COL4A5: variants seen among roughly 807,000 people sequenced by gnomAD.
COL4A5 encodes collagen type IV alpha 5 chain.
A neutral mutation model predicts 130.2 loss-of-function variants in COL4A5; 26 were observed. The observed-to-expected ratio is 0.20, with a 90% confidence interval of 0.15 to 0.28. The LOEUF (loss-of-function observed/expected upper bound fraction) is 0.28, where lower values mean the gene tolerates loss of function less well. Among genes scored for constraint, COL4A5 ranks in the 10% least tolerant of loss-of-function variants. The probability of loss-of-function intolerance (pLI) is 1.00; values close to 1 mark genes in which losing one functional copy is unlikely to be tolerated. For missense variants in COL4A5, 1,131 were observed against 1,344.3 expected (o/e 0.84, Z 2.48); for synonymous variants, 496 against 439.6 (o/e 1.13, Z -1.60).
At chrX:108,617,997 G>T (rs1400749578) in intron 30 of COL4A5, among the ~76,000 whole-genome samples, 1 of 111,873 alleles carries the variant, frequency 8.9e-6, no homozygotes, top group Admixed American at 9.5e-5. Context: ...GGGGGAGGGT[G>T]TGTGTATGTG....
intron 42 of COL4A5, among the ~76,000 whole-genome samples, chrX:108,672,741 C>T (rs1366306742): frequency 8.9e-6 from 1 of 111,857 alleles, no homozygotes; most frequent in Non-Finnish European, 1.9e-5. Flanking sequence ...TTGCTAATTA[C>T]TCAGGCTGAA....
At chrX:108,626,526 TG>T (rs779387489) in intron 36 of COL4A5, 177 bp downstream of exon 36, 1 of 1,145,736 alleles carries the variant, frequency 8.7e-7, no homozygotes, top group African/African-American at 1.8e-5. Context: ...TTAGGGTTTG[TG>T]GCCAGTCCAA....
intron 49 of COL4A5, chrX:108,689,721 G>A: frequency 1.3e-6 from 1 of 753,875 alleles, no homozygotes; most frequent in East Asian, 1.5e-4. Flanking sequence ...AATGCAGTCT[G>A]TGTTGAATTA....
intron 36 of COL4A5, among the ~76,000 whole-genome samples, chrX:108,646,805 C>A (rs1302587169): frequency 1.8e-5 from 2 of 111,409 alleles, no homozygotes; most frequent in Non-Finnish European, 3.8e-5. Flanking sequence ...ATATGGCTAG[C>A]CAGTTTTCCC....
chrX:108,512,340 G>A (rs981636779), intron 1 of COL4A5, among the ~76,000 whole-genome samples: 1 of 111,024 alleles, frequency 9.0e-6, no homozygotes, highest in Non-Finnish European at 1.9e-5. Flanking sequence ...ACTTTGATCT[G>A]ATTGTTTTCC....
chrX:108,517,942 T>A (rs1389339226), intron 1 of COL4A5, among the ~76,000 whole-genome samples: 1 of 111,090 alleles, frequency 9.0e-6, no homozygotes, highest in East Asian at 2.8e-4. Flanking sequence ...TTATTGTCCT[T>A]ATTGGGTTTT....
intron 52 of COL4A5, 21 bp from the exon 53 acceptor site, chrX:108,696,276 G>T (rs777770232): frequency 1.2e-5 from 14 of 1,161,245 alleles, no homozygotes; most frequent in Middle Eastern, 2.3e-4. Flanking sequence ...GGATCTGATT[G>T]TCTTATTTCT....
At chrX:108,601,737 G>GC in intron 26 of COL4A5, 148 bp from the exon 27 acceptor site, 2 of 481,273 alleles carry the variant, frequency 4.2e-6, no homozygotes, top group Non-Finnish European at 7.4e-6. Flanking sequence ...CTCCACGTTG[G>GC]CCAGGCTGGT....
chrX:108,684,899 T>C (rs1352235469), intron 47 of COL4A5, among the ~76,000 whole-genome samples: 2 of 112,357 alleles, frequency 1.8e-5, no homozygotes, highest in African/African-American at 6.5e-5. Context: ...AAAAAGCTTA[T>C]CCACCACGAT....
intron 2 of COL4A5, among the ~76,000 whole-genome samples, chrX:108,544,687 G>C (rs367913683): frequency 3.7e-4 from 41 of 110,792 alleles, no homozygotes; most frequent in African/African-American, 7.6e-4. Context: ...AGGAATGGTA[G>C]CAGCTCCTCC....
chrX:108,472,053 T>C (rs182507201), intron 1 of COL4A5, among the ~76,000 whole-genome samples: 12 of 111,824 alleles, frequency 1.1e-4, no homozygotes, highest in African/African-American at 3.9e-4. Context: ...TTCATTCTTC[T>C]CTTAAGTATT....
At chrX:108,552,948 G>A (rs2065773957) in intron 2 of COL4A5, among the ~76,000 whole-genome samples, 1 of 112,226 alleles carries the variant, frequency 8.9e-6, no homozygotes, top group Admixed American at 9.5e-5. Context: ...ACATAATAGA[G>A]ACTCACAGGT....
chrX:108,574,343 A>T (rs891939441), intron 9 of COL4A5, among the ~76,000 whole-genome samples: 1 of 111,796 alleles, frequency 8.9e-6, no homozygotes, highest in Admixed American at 9.5e-5. Context: ...AATTCACTCA[A>T]TCTTGCCCTT....
At chrX:108,647,683 G>C (rs982743993) in intron 36 of COL4A5, among the ~76,000 whole-genome samples, 4 of 111,511 alleles carry the variant, frequency 3.6e-5, no homozygotes, top group Non-Finnish European at 5.6e-5. Context: ...AATGCTTCCA[G>C]TTTTTGCCCA....
chrX:108,688,917 C>T (rs1337688282), intron 49 of COL4A5, among the ~76,000 whole-genome samples: 1 of 111,464 alleles, frequency 9.0e-6, no homozygotes, highest in Admixed American at 9.5e-5. Flanking sequence ...AGCTTTACTC[C>T]CTATTTTTCC....
chrX:108,694,517 A>G (rs750938489), intron 50 of COL4A5: 4 of 334,416 alleles, frequency 1.2e-5, no homozygotes, highest in South Asian at 7.7e-5. Flanking sequence ...TCTTACGGCA[A>G]TTGAGGCATT....
At chrX:108,532,303 A>G (rs1603265730) in intron 1 of COL4A5, among the ~76,000 whole-genome samples, 1 of 112,079 alleles carries the variant, frequency 8.9e-6, no homozygotes, top group Non-Finnish European at 1.9e-5. Context: ...GTGATACATT[A>G]CATCAACAGA....
At position 108,440,271 on chromosome X, in the gene COL4A5, TG is replaced by T. The variant is rs59044748; in HGVS notation, c.81+75del. The stretch of plus-strand genomic sequence containing the variant: ...TTTCACGCTGAAATTACCTTTTTTT[TG>T]GGGGGGGGGTCCCTTTATCTTCCTT... On this transcript the variant is annotated intron_variant, in intron 1 of 52. Coordinates refer to ENST00000328300, the MANE Select transcript of COL4A5 (RefSeq NM_033380.3). The T allele has an allele frequency of 0.12, 54,176 of 456,550 alleles. 162 individuals are homozygous for T. Among genetic ancestry groups the T allele is most frequent in the Non-Finnish European group, 0.13 (38,540 of 301,353 alleles). 37.6% of individuals were successfully genotyped at this position (456,550 alleles called of 1,213,427 possible). A position where few individuals can be genotyped will look rare whatever the true frequency, so the allele number is the denominator to read the frequency against.
chrX:108,682,515 G>A (rs956113491), intron 47 of COL4A5, among the ~76,000 whole-genome samples: 11 of 111,790 alleles, frequency 9.8e-5, no homozygotes, highest in Non-Finnish European at 1.9e-4. Context: ...ACAAACAGTG[G>A]AAAAGCATTC....
Sources: gnomAD v4.1 joint callset for allele counts (sites outside exome capture counted in the v4.1 genomes callset) on GRCh38, gnomAD v4.1.1 for gene constraint, MANE v1.5 for transcripts, NCBI Gene and HGNC (gene_info 2026-07-23, HGNC 2026-07-21) for gene names.